The following SEC14L1 variants were observed in gnomAD, a reference collection of about 807,000 sequenced individuals.
The protein encoded by SEC14L1 is SEC14-like protein 1.
In SEC14L1, 48 loss-of-function variants were observed where a neutral mutation model predicts 85.3. That is an observed-to-expected ratio of 0.56 (90% CI 0.45 to 0.72). SEC14L1 has a LOEUF of 0.72. SEC14L1 is among the 30% of genes least tolerant of loss of function. SEC14L1 has a pLI of 0.00. For synonymous variants in SEC14L1, 391 were observed against 355.5 expected (o/e 1.10, Z -1.12); for missense variants, 682 against 921.4 (o/e 0.74, Z 3.36).
At position 77,154,601 on chromosome 17, in the gene SEC14L1, G is replaced by A. The variant is rs114940487; in HGVS notation, c.63+10942G>A. On this transcript the variant is annotated intron_variant, in intron 3 of 16. Transcript: ENST00000436233. ...CTGGAACCAGTCCCCTCCAGATACCGAGGGAGGACTCTACTGGCCCCTTCT... is the reference window on the plus strand; with the variant it reads ...CTGGAACCAGTCCCCTCCAGATACCAAGGGAGGACTCTACTGGCCCCTTCT... Among the ~76,000 whole-genome samples the A allele has an allele frequency of 9.2e-3, 1,395 of 152,006 alleles. 27 individuals carry two copies. Among genetic ancestry groups the A allele is most frequent in the African/African-American group, 0.03 (1,257 of 41,462 alleles).
At chr17:77,179,615 A>G (rs773127247) in intron 3 of SEC14L1, among the ~76,000 whole-genome samples, 1 of 152,212 alleles carries the variant, frequency 6.6e-6, no homozygotes, top group Non-Finnish European at 1.5e-5. Flanking sequence ...GATGAAGTTC[A>G]TAATTTAAGC....
chr17:77,095,594 G>A (rs1039884155), intron 3 of SEC14L1, among the ~76,000 whole-genome samples: 4 of 152,138 alleles, frequency 2.6e-5, no homozygotes, highest in South Asian at 2.1e-4. Context: ...TTAGGAGGCC[G>A]AGGCGGGTGG....
At chr17:77,157,726 C>T (rs762198353) in intron 3 of SEC14L1, among the ~76,000 whole-genome samples, 3 of 152,122 alleles carry the variant, frequency 2.0e-5, no homozygotes, top group Non-Finnish European at 4.4e-5. Flanking sequence ...CGGGGTTTCA[C>T]CATGTTGGTC....
At chr17:77,162,355 A>G (rs929592425) in intron 3 of SEC14L1, among the ~76,000 whole-genome samples, 2 of 152,224 alleles carry the variant, frequency 1.3e-5, no homozygotes, top group Non-Finnish European at 2.9e-5. Flanking sequence ...AGTGCAAGGA[A>G]TCAAATTAGT....
intron 3 of SEC14L1, among the ~76,000 whole-genome samples, chr17:77,110,708 A>G (rs72634305): frequency 0.29 from 43,151 of 150,796 alleles, 6,620 homozygotes; most frequent in East Asian, 0.42. Flanking sequence ...GTGAAACCCC[A>G]TCTCTACTAA....
intron 3 of SEC14L1, among the ~76,000 whole-genome samples, chr17:77,146,074 C>T (rs1973288136): frequency 6.6e-6 from 1 of 152,152 alleles, no homozygotes; most frequent in South Asian, 2.1e-4. Context: ...TTCCCCACCC[C>T]GACCCCTGCC....
At chr17:77,117,123 G>A (rs1972187387) in intron 3 of SEC14L1, among the ~76,000 whole-genome samples, 1 of 152,200 alleles carries the variant, frequency 6.6e-6, no homozygotes, top group African/African-American at 2.4e-5. Flanking sequence ...CGAGGCGGGT[G>A]GATCACGTGA....
chr17:77,216,608 A>C lies in SEC14L1; in HGVS notation c.*2585A>C. 1 of 1,613,200 alleles carries C rather than the reference A, an allele frequency of 6.2e-7. No homozygotes were observed. The highest frequency in any genetic ancestry group is 8.5e-7 in the Non-Finnish European group (1 of 1,179,404). ...TTCACTCAACAGTCCTCATGTGCCC[A>C]GAGATGTTTATAGAACTGTTTGAAT... On this transcript the variant is annotated 3_prime_UTR_variant, in exon 17 of 17. Coordinates refer to ENST00000436233, the MANE Select transcript of SEC14L1 (RefSeq NM_001143998.2).
chr17:77,162,534 T>TA (rs1268790077), intron 3 of SEC14L1, among the ~76,000 whole-genome samples: 1 of 152,032 alleles, frequency 6.6e-6, no homozygotes, highest in African/African-American at 2.4e-5. Flanking sequence ...GTGGAAAGGT[T>TA]AAAAAAATGT....
intron 3 of SEC14L1, among the ~76,000 whole-genome samples, chr17:77,165,744 T>G (rs1465398135): frequency 6.6e-6 from 1 of 152,236 alleles, no homozygotes; most frequent in African/African-American, 2.4e-5. Flanking sequence ...CTCCTATTTA[T>G]ACCTAGTTCC....
intron 13 of SEC14L1, among the ~76,000 whole-genome samples, chr17:77,208,333 C>T (rs1976572464): frequency 6.6e-6 from 1 of 152,138 alleles, no homozygotes; most frequent in Admixed American, 6.5e-5. Context: ...TCGTAGAAAC[C>T]TCTGAACTCC....
chr17:77,123,892 C>T (rs1972367957), intron 3 of SEC14L1, among the ~76,000 whole-genome samples: 2 of 152,112 alleles, frequency 1.3e-5, no homozygotes, highest in South Asian at 4.2e-4. Context: ...GTCTGTGTGT[C>T]CTCTATGGCA....
At position 77,169,848 on chromosome 17, in the gene SEC14L1, T is replaced by G. The variant is rs563657045; in HGVS notation, c.64-20955T>G. Reference sequence around the variant, plus strand: ...AATAGAGATTTGCACAGGGTTACACTGTTGGAGTTGACAGGTGGAGGGGGT... The same window carrying G: ...AATAGAGATTTGCACAGGGTTACACGGTTGGAGTTGACAGGTGGAGGGGGT... On this transcript the variant is annotated intron_variant, in intron 3 of 16. Transcript: ENST00000436233. 6.2e-3 allele frequency among the ~76,000 whole-genome samples: 944 copies of G among 152,296 alleles called. 12 individuals carry two copies. The highest frequency in any genetic ancestry group is 0.022 in the African/African-American group (897 of 41,562).
intron 3 of SEC14L1, among the ~76,000 whole-genome samples, chr17:77,181,299 C>G (rs1230790269): frequency 1.3e-5 from 2 of 152,208 alleles, no homozygotes; most frequent in African/African-American, 4.8e-5. Context: ...ACCATCCAAC[C>G]TGAAGTGGTT....
intron 3 of SEC14L1, among the ~76,000 whole-genome samples, chr17:77,147,102 C>T (rs893906738): frequency 2.6e-5 from 4 of 152,170 alleles, no homozygotes; most frequent in South Asian, 2.1e-4. Context: ...CAGGAGTGGC[C>T]GGCAGTGCCC....
chr17:77,146,512 T>G (rs143868331), intron 3 of SEC14L1, among the ~76,000 whole-genome samples: 45 of 152,354 alleles, frequency 3.0e-4, no homozygotes, highest in Non-Finnish European at 4.7e-4. Flanking sequence ...ATTCAAATTC[T>G]GAGCTGCCAC....
At chr17:77,091,722 G>T (rs532381278) in intron 2 of SEC14L1, among the ~76,000 whole-genome samples, 1 of 152,082 alleles carries the variant, frequency 6.6e-6, no homozygotes, top group African/African-American at 2.4e-5. Flanking sequence ...TCTTCCTCCC[G>T]TCTTGGCTGA....
At chr17:77,196,733 C>T (rs1975826528) in intron 8 of SEC14L1, among the ~76,000 whole-genome samples, 1 of 152,134 alleles carries the variant, frequency 6.6e-6, no homozygotes, top group Non-Finnish European at 1.5e-5. Flanking sequence ...GTGAGCAGAG[C>T]CTGGTATGTG....
rs796673679 is a variant in SEC14L1, at chr17:77,105,373, A to ACC, written c.-136+12036_-136+12037dup. Among the ~76,000 whole-genome samples the ACC allele has an allele frequency of 8.4e-3, 694 of 82,320 alleles. 6 individuals carry two copies. The highest frequency in any genetic ancestry group is 0.012 in the East Asian group (31 of 2,530). The allele number at this position is 82,320 out of a possible 152,430, so 54.0% of individuals were successfully genotyped here. ...GCCTGTGACATGCTCCTCGCTGACC[A>ACC]CCCCCCCCCCCACCCCACGTAAAAA... On this transcript the variant is annotated intron_variant, in intron 3 of 19. Transcript: ENST00000392476.
Sources: gnomAD v4.1 joint callset for allele counts (sites outside exome capture counted in the v4.1 genomes callset) on GRCh38, gnomAD v4.1.1 for gene constraint, MANE v1.5 for transcripts, NCBI Gene and HGNC (gene_info 2026-07-23, HGNC 2026-07-21) for gene names.